ST6GAL1: variants seen among roughly 807,000 people sequenced by gnomAD.
ST6GAL1 encodes ST6 beta-galactoside alpha-2,6-sialyltransferase 1.
Under a neutral mutation model 38.0 loss-of-function variants are expected in ST6GAL1, and 20 were observed. The ratio of observed to expected loss-of-function variants is 0.53; its 90% CI spans 0.37 to 0.77. The LOEUF is 0.77. ST6GAL1 is among the 30% of genes least tolerant of loss of function. The pLI is 0.00. For synonymous variants in ST6GAL1, 196 were observed against 188.2 expected, an observed-to-expected ratio of 1.04 and a Z score of -0.34; for missense variants, 432 against 496.4, an observed-to-expected ratio of 0.87 and a Z score of 1.23.
At chr3:187,002,245 A>G (rs181870533) in intron 2 of ST6GAL1, among the ~76,000 whole-genome samples, 3 of 152,192 alleles carry the variant, frequency 2.0e-5, no homozygotes, top group African/African-American at 7.2e-5. Context: ...GATATTTCAT[A>G]TACTTATTAG....
Position 186,971,474 on chromosome 3 carries a change from G to A in ST6GAL1, c.-183+7548G>A, listed in dbSNP as rs1217104385. Among the ~76,000 whole-genome samples the A allele has an allele frequency of 2.6e-5, 4 of 152,180 alleles. No individual in the cohort carries two copies. The East Asian group carries it at 7.7e-4, about 29-fold the overall frequency. On this transcript the variant is annotated intron_variant, in intron 2 of 7. Transcript: ENST00000169298. ...TTGTGTTTCCCTAACAGCTGGTTGTGTGCCTCTCTTTCTGCTCCCCCAGTC... is the reference window on the plus strand; with the variant it reads ...TTGTGTTTCCCTAACAGCTGGTTGTATGCCTCTCTTTCTGCTCCCCCAGTC...
At chr3:187,057,567 G>T (rs901193638) in intron 5 of ST6GAL1, among the ~76,000 whole-genome samples, 1 of 152,130 alleles carries the variant, frequency 6.6e-6, no homozygotes, top group Admixed American at 6.5e-5. Context: ...AGGTCTGTTG[G>T]AGTTTGCTGG....
intron 2 of ST6GAL1, among the ~76,000 whole-genome samples, chr3:186,980,346 A>T (rs940889523): frequency 6.6e-6 from 1 of 152,204 alleles, no homozygotes; most frequent in African/African-American, 2.4e-5. Flanking sequence ...GTTGTGGCTC[A>T]TGGTTGGCCC....
chr3:186,930,849 C>G lies in ST6GAL1; in HGVS notation c.-325+15C>G, dbSNP rs1004359291. 7 of 152,546 alleles carry G rather than the reference C, an allele frequency of 4.6e-5. No individual in the cohort carries two copies. The highest frequency in any genetic ancestry group is 1.3e-4 in the Admixed American group (2 of 15,292). 9.4% of individuals were successfully genotyped at this position (152,546 alleles called of 1,614,324 possible). On this transcript the variant is annotated intron_variant, in intron 1 of 7. Coordinates refer to ENST00000169298, the MANE Select transcript of ST6GAL1 (RefSeq NM_173216.2). ...GAGTGCAGCGAGTGAGTAGGGGGTG[C>G]GGTGGGCGGCGGCGCGGCCCGGGCT...
Position 186,991,734 on chromosome 3 carries a change from A to G in ST6GAL1, c.-183+27808A>G, listed in dbSNP as rs540252444. 4.6e-5 allele frequency among the ~76,000 whole-genome samples: 7 copies of G among 152,064 alleles called. No individual in the cohort carries two copies. In the East Asian group the frequency reaches 1.2e-3, roughly 25 times the overall value. Reference sequence around the variant, plus strand: ...ATACTGATCCTCTGGGGTGATCCCTATTCACCTTGTCTCCTTTGCTGTCAT... The same window carrying G: ...ATACTGATCCTCTGGGGTGATCCCTGTTCACCTTGTCTCCTTTGCTGTCAT... On this transcript the variant is annotated intron_variant, in intron 2 of 7. Transcript: ENST00000169298.
chr3:186,988,966 C>G (rs1716056186), intron 2 of ST6GAL1, among the ~76,000 whole-genome samples: 1 of 152,110 alleles, frequency 6.6e-6, no homozygotes, highest in Admixed American at 6.5e-5. Flanking sequence ...CAAAAAAAGG[C>G]TAGTGCACCT....
intron 2 of ST6GAL1, among the ~76,000 whole-genome samples, chr3:187,011,449 A>G (rs981344057): frequency 3.3e-5 from 5 of 152,352 alleles, no homozygotes; most frequent in Admixed American, 2.6e-4. Flanking sequence ...TACTGAAGAA[A>G]TCAGTGCAAT....
In ST6GAL1 at chr3:187,074,259, G is replaced by A; in HGVS notation, c.905G>A (p.Trp302Ter). The A allele has an allele frequency of 1.2e-6, 2 of 1,612,286 alleles. No homozygotes were observed. Among genetic ancestry groups the A allele is most frequent in the Non-Finnish European group, 8.5e-7 (1 of 1,179,274 alleles). Residue 302 changes from tryptophan to a stop codon, truncating the protein, a stop_gained, in exon 7 of 8, where the codon TGG (tryptophan) becomes TAG (stop). Coordinates refer to ENST00000169298, the MANE Select transcript of ST6GAL1 (RefSeq NM_173216.2). LOFTEE classifies it high-confidence loss of function. ...TACATCCTCAAGCCCCAGATGCCTT[G>A]GGAGCTATGGGACATTCTTCAAGAA... is the stretch of plus-strand genomic sequence containing the variant. Reference protein sequence around the residue: ...PFYILKPQMPWELWDILQEIS... With the variant: ...PFYILKPQMP
At chr3:186,967,009 C>T (rs986785192) in intron 2 of ST6GAL1, among the ~76,000 whole-genome samples, 1 of 152,200 alleles carries the variant, frequency 6.6e-6, no homozygotes, top group Non-Finnish European at 1.5e-5. Context: ...CACACTTGGA[C>T]ATACAGATCT....
At position 187,077,701 on chromosome 3, in the gene ST6GAL1, G is replaced by A. The variant is rs893957127; in HGVS notation, c.*1898G>A. ...CTGGCTCTGTACCTGGCACGTAGTA[G>A]GTGCTCAGTTCATGCTGGTTTCCTT... On this transcript the variant is annotated 3_prime_UTR_variant, in exon 8 of 8. Transcript: ENST00000169298. 2 of 152,286 alleles carry A rather than the reference G, an allele frequency of 1.3e-5. No individual in the cohort carries two copies. Among genetic ancestry groups the A allele is most frequent in the Non-Finnish European group, 2.9e-5 (2 of 68,128 alleles). The allele number at this position is 152,286 out of a possible 1,614,324, so 9.4% of individuals were successfully genotyped here.
In ST6GAL1 at chr3:187,051,568, G is replaced by A; in HGVS notation, c.705+222G>A. 1.0e-5 allele frequency: 5 copies of A among 479,346 alleles called. No individual in the cohort carries two copies. In the South Asian group the frequency reaches 1.1e-4, roughly 10 times the overall value. 29.7% of individuals were successfully genotyped at this position (479,346 alleles called of 1,614,324 possible). A position where few individuals can be genotyped will look rare whatever the true frequency, so the allele number is the denominator to read the frequency against. ...TTTAGTATTAGTGTCTGCTAATGGA[G>A]GTGTCTGGTACCCAGGAAAGTAGAG... On this transcript the variant is annotated intron_variant, in intron 5 of 7. Transcript: ENST00000169298.
At chr3:186,948,528 A>AGT (rs36234165) in intron 1 of ST6GAL1, among the ~76,000 whole-genome samples, 2,123 of 146,248 alleles carry the variant, frequency 0.015, 27 homozygotes, top group East Asian at 0.063. Context: ...CAGAAACTCT[A>AGT]GTGTGTGTGT....
At chr3:187,066,618 GT>G (rs1244976878) in intron 5 of ST6GAL1, among the ~76,000 whole-genome samples, 1 of 151,936 alleles carries the variant, frequency 6.6e-6, no homozygotes, top group African/African-American at 2.4e-5. Flanking sequence ...GTGTGTGTGT[GT>G]GTGTGTGTGT....
intron 2 of ST6GAL1, among the ~76,000 whole-genome samples, chr3:187,035,924 G>T (rs141863611): frequency 7.8e-6 from 1 of 128,448 alleles, no homozygotes; most frequent in Non-Finnish European, 1.6e-5. Flanking sequence ...TTAAACTAAA[G>T]AGCTTTTGTG....
At chr3:186,984,807 CCTTCCTTCCTTCCTTCCT>C (rs1560151169) in intron 2 of ST6GAL1, among the ~76,000 whole-genome samples, 33 of 42,906 alleles carry the variant, frequency 7.7e-4, no homozygotes, top group South Asian at 4.6e-3. Context: ...TTCCTTCCAT[CCTTCCTTCCTTCCTTCCT>C]TCCCTCCCTC....
intron 1 of ST6GAL1, among the ~76,000 whole-genome samples, chr3:186,955,347 GT>G (rs566799437): frequency 1.3e-5 from 2 of 149,246 alleles, no homozygotes; most frequent in Admixed American, 6.7e-5. Context: ...TTTTAAAGTA[GT>G]TTTTTTTCTA....
At chr3:186,992,553 G>A (rs1989585) in intron 2 of ST6GAL1, among the ~76,000 whole-genome samples, 31,514 of 152,092 alleles carry the variant, frequency 0.21, 3,258 homozygotes, top group Admixed American at 0.26. Flanking sequence ...CAGCACTTTG[G>A]GAGGCCAAGG....
intron 1 of ST6GAL1, among the ~76,000 whole-genome samples, chr3:186,938,860 C>T (rs1164471793): frequency 5.3e-5 from 8 of 152,044 alleles, no homozygotes; most frequent in Non-Finnish European, 1.0e-4. Context: ...TCTTATCAGC[C>T]GAGCCATAGC....
At chr3:187,057,409 T>C (rs948643666) in intron 5 of ST6GAL1, among the ~76,000 whole-genome samples, 1 of 152,222 alleles carries the variant, frequency 6.6e-6, no homozygotes, top group Admixed American at 6.5e-5. Context: ...ATTTTCAGCT[T>C]TTCTGCTCTG....
Sources: allele counts gnomAD v4.1 joint callset (sites outside exome capture counted in the v4.1 genomes callset), GRCh38; gene constraint gnomAD v4.1.1; transcripts MANE v1.5; gene names NCBI Gene and HGNC (gene_info 2026-07-23, HGNC 2026-07-21).